Variants in CLUH observed in about 807,000 individuals in gnomAD.
The protein encoded by CLUH is CLUH binding protein of NUMT mRNA, also known as clustered mitochondria protein homolog.
A neutral mutation model predicts 139.3 loss-of-function variants in CLUH; 77 were observed. That is an observed-to-expected ratio of 0.55 (90% CI 0.46 to 0.67). The LOEUF is 0.67. CLUH is among the 30% of genes least tolerant of loss of function. The probability of loss-of-function intolerance (pLI) is 0.00; values close to 1 mark genes in which losing one functional copy is unlikely to be tolerated. For synonymous variants in CLUH, 999 were observed against 801.6 expected, an observed-to-expected ratio of 1.25 and a Z score of -4.16; for missense variants, 1,876 against 1,875.8, an observed-to-expected ratio of 1.00 and a Z score of 0.00.
Position 2,695,354 on chromosome 17 carries a change from C to A in CLUH, c.2544+20G>T. 1.9e-6 allele frequency: 3 copies of A among 1,613,118 alleles called. No homozygotes were observed. The highest frequency in any genetic ancestry group is 2.5e-6 in the Non-Finnish European group (3 of 1,179,702). On this transcript the variant is annotated intron_variant, in intron 14 of 25. Coordinates refer to ENST00000651024, the MANE Select transcript of CLUH (RefSeq NM_001366661.1). ...CCAGTCCCACAGCTCCCGTTCCGCC[C>A]CACCCCGGGCAGCACTCACAAAGAC...
chr17:2,707,249 C>T lies in CLUH; in HGVS notation c.101-2685G>A. ...CGTGGCAGCAAGGCAGCCAGCTCTCCAGCTCAGCCCCAGCATTGCCCGGGT... is the reference window on the plus strand; with the variant it reads ...CGTGGCAGCAAGGCAGCCAGCTCTCTAGCTCAGCCCCAGCATTGCCCGGGT... On this transcript the variant is annotated intron_variant, in intron 1 of 25. Coordinates refer to ENST00000651024, the MANE Select transcript of CLUH (RefSeq NM_001366661.1). This position sits in a 1 kb window ranked among gnomAD's most constrained non-coding sequence, Gnocchi z 7.4. The T allele has an allele frequency of 3.0e-6, 3 of 985,456 alleles. No individual in the cohort carries two copies. Among genetic ancestry groups the T allele is most frequent in the Non-Finnish European group, 3.6e-6 (3 of 829,922 alleles). The allele number at this position is 985,456 out of a possible 1,614,324, so 61.0% of individuals were successfully genotyped here.
chr17:2,699,317 A>AT (rs1051354025), intron 9 of CLUH, among the ~76,000 whole-genome samples: 2 of 152,290 alleles, frequency 1.3e-5, no homozygotes, highest in African/African-American at 4.8e-5. Context: ...TCTAGGCAGT[A>AT]TAACTATGGG....
chr17:2,694,821 A>T, intron 16 of CLUH, 36 bp downstream of exon 16: 9 of 1,446,306 alleles, frequency 6.2e-6, no homozygotes, highest in African/African-American at 1.4e-5. Context: ...CATCTGCCCA[A>T]TCCCACCCAC....
chr17:2,696,005 C>T (rs1359968676), intron 13 of CLUH, 154 bp downstream of exon 13: 3 of 650,336 alleles, frequency 4.6e-6, no homozygotes, highest in Non-Finnish European at 8.0e-6. Flanking sequence ...CTCTGGGGGT[C>T]AGGCTCCCCA....
intron 25 of CLUH, among the ~76,000 whole-genome samples, chr17:2,691,089 C>G (rs1203714117): frequency 6.7e-6 from 1 of 149,630 alleles, no homozygotes; most frequent in Non-Finnish European, 1.5e-5. Flanking sequence ...GGAGGCCACA[C>G]TGCTTGTGGC....
chr17:2,690,692 C>T lies in CLUH; in HGVS notation c.3949G>A (p.Glu1317Lys). The change falls in exon 26 of 26, where the codon GAG (glutamate) becomes AAG (lysine). Residue 1317 changes from glutamate to lysine, a missense_variant. By Grantham distance (56) the Glu-to-Lys change is moderately conservative (BLOSUM62 1). Transcript: ENST00000651024. ...EASRNRDRAE[E>K]PMATEPAPAG... ...GGCGCGGGCTCGGTAGCCATGGGCT[C>T]CTCGGCTCTATCCCTGTTTCTGCTG... 6.4e-7 allele frequency: 1 copy of T among 1,564,928 alleles called. No homozygotes were observed. Among genetic ancestry groups the T allele is most frequent in the Non-Finnish European group, 8.6e-7 (1 of 1,162,174 alleles).
Position 2,701,732 on chromosome 17 carries a change from C to G in CLUH, c.625G>C (p.Gly209Arg). The change falls in exon 5 of 26, where the codon GGG becomes CGG. Residue 209 changes from glycine to arginine, a missense_variant. Physicochemically the swap from Gly to Arg is moderately radical, Grantham distance 125 (BLOSUM62 -2). This residue lies in a region of CLUH where 270 missense variants were observed against 354.7 expected (regional missense o/e 0.76). Transcript: ENST00000651024. ...ATCTCCAAGCCCTTCTTCCGCTTCC[C>G]GCTGTCTGAGGGACCCGAGGCTGGT... ...VFTDGDLGDSGKRKKGLEMDP... is the reference protein window; with the variant it reads ...VFTDGDLGDSRKRKKGLEMDP... The G allele has an allele frequency of 6.4e-7, 1 of 1,564,316 alleles. No homozygotes were observed. Among genetic ancestry groups the G allele is most frequent in the Admixed American group, 1.8e-5 (1 of 55,144 alleles).
At position 2,704,627 on chromosome 17, in the gene CLUH, G is replaced by T; in HGVS notation, c.101-63C>A. 6.9e-7 allele frequency: 1 copy of T among 1,439,894 alleles called. No homozygotes were observed. Among genetic ancestry groups the T allele is most frequent in the South Asian group, 1.3e-5 (1 of 75,648 alleles). 89.2% of individuals were successfully genotyped at this position (1,439,894 alleles called of 1,614,324 possible). On this transcript the variant is annotated intron_variant, in intron 1 of 25. Coordinates refer to ENST00000651024, the MANE Select transcript of CLUH (RefSeq NM_001366661.1). The surrounding 1 kb of genome is among the most constrained non-coding windows in gnomAD (Gnocchi z 5.7). ...CGCTGGTCGGCGGGGCTGTCCGCCT[G>T]ACCCCACACGGGGACACGTGCCTTC... is the stretch of plus-strand genomic sequence containing the variant.
intron 7 of CLUH, 150 bp downstream of exon 7, chr17:2,700,990 G>T (rs572468757): frequency 6.9e-7 from 1 of 1,453,122 alleles, no homozygotes; most frequent in Non-Finnish European, 9.2e-7. Flanking sequence ...CTGCTGTCTC[G>T]GCACTGGCCG....
intron 9 of CLUH, among the ~76,000 whole-genome samples, chr17:2,699,164 C>A (rs1411499630): frequency 6.8e-6 from 1 of 147,824 alleles, no homozygotes; most frequent in Non-Finnish European, 1.5e-5. Context: ...CAGTTATGTG[C>A]CAGGTGAACT....
At chr17:2,692,124 G>A (rs2069712096) in intron 22 of CLUH, 27 bp from the exon 23 acceptor site, 6 of 1,574,786 alleles carry the variant, frequency 3.8e-6, no homozygotes, top group East Asian at 4.6e-5. Flanking sequence ...CGCGGGGCGA[G>A]GGAAGGGCAT....
intron 1 of CLUH, among the ~76,000 whole-genome samples, chr17:2,709,662 C>A (rs764989103): frequency 1.6e-4 from 24 of 152,124 alleles, no homozygotes; most frequent in Non-Finnish European, 3.2e-4. Flanking sequence ...CCAACCCTTG[C>A]CCCCGACCCT....
In CLUH at chr17:2,707,280, G is replaced by T. The variant is rs1481487240; in HGVS notation, c.101-2716C>A. On this transcript the variant is annotated intron_variant, in intron 1 of 25. Transcript: ENST00000651024. The surrounding 1 kb of genome is among the most constrained non-coding windows in gnomAD (Gnocchi z 7.4). ...AGCCCCAGCATTGCCCGGGTTCCTT[G>T]TTCCAGCCTCTGCCGCTACCCTTGC... 7 of 985,432 alleles carry T rather than the reference G, an allele frequency of 7.1e-6. No homozygotes were observed. The highest frequency in any genetic ancestry group is 8.4e-6 in the Non-Finnish European group (7 of 829,922). 61.0% of individuals were successfully genotyped at this position (985,432 alleles called of 1,614,324 possible).
intron 1 of CLUH, chr17:2,711,047 C>T (rs1159414335): frequency 6.6e-6 from 1 of 152,488 alleles, no homozygotes; most frequent in African/African-American, 2.4e-5. Context: ...AACGCACACC[C>T]CGCACCTCGT....
intron 25 of CLUH, 192 bp downstream of exon 25, chr17:2,691,417 C>T: frequency 1.7e-6 from 1 of 585,038 alleles, no homozygotes; most frequent in South Asian, 1.9e-5. Flanking sequence ...CAAAAATGAG[C>T]CGGGCGAGGT....
At chr17:2,701,850 C>T (rs1394795624) in intron 4 of CLUH, 64 bp downstream of exon 4, 2 of 1,602,788 alleles carry the variant, frequency 1.2e-6, no homozygotes, top group Non-Finnish European at 1.7e-6. Flanking sequence ...GGCCCCTTCT[C>T]CAGCCCCCCA....
intron 1 of CLUH, among the ~76,000 whole-genome samples, chr17:2,708,872 AG>A (rs1205551769): frequency 2.9e-4 from 9 of 31,118 alleles, no homozygotes; most frequent in African/African-American, 1.0e-3. Flanking sequence ...GGGGGGGGGG[AG>A]CAGAACTATC....
At position 2,701,234 on chromosome 17, in the gene CLUH, C is replaced by T. The variant is rs200340260; in HGVS notation, c.931G>A (p.Ala311Thr). Residue 311 changes from alanine to threonine, a missense_variant, in exon 7 of 26, where the codon GCC becomes ACC. Around this residue, in one of 3 missense-constraint regions of CLUH, gnomAD observed 270 missense variants for 354.7 expected, o/e 0.76. Transcript: ENST00000651024. ...GAATGGCTTAGGAAGCGGGGGCTGG[C>T]GGGCTTGGGGTTGAAGTGATAAGCT... ...STAYHFNPKP[A>T]SPRFLSHSLV... is the part of the protein sequence containing the mutation. The T allele has an allele frequency of 3.9e-5, 63 of 1,613,298 alleles. No homozygotes were observed. Among genetic ancestry groups the T allele is most frequent in the Admixed American group, 1.2e-4 (7 of 59,904 alleles).
rs1040267647 is a variant in CLUH at position 2,689,614 on chromosome 17, G to C, written c.*980C>G. The C allele has an allele frequency of 2.0e-5, 3 of 153,284 alleles. No homozygotes were observed. Among genetic ancestry groups the C allele is most frequent in the African/African-American group, 7.2e-5 (3 of 41,474 alleles). 9.5% of individuals were successfully genotyped at this position (153,284 alleles called of 1,614,324 possible). ...AGGGTGGCCACATCCTCCCCCACCA[G>C]GGCTCTGACAGCAGGCACAGAGCAG... On this transcript the variant is annotated 3_prime_UTR_variant, in exon 26 of 26. Transcript: ENST00000651024.
Sources: allele counts gnomAD v4.1 joint callset (sites outside exome capture counted in the v4.1 genomes callset), GRCh38; gene constraint gnomAD v4.1.1; regional missense constraint gnomAD v4.1.1; non-coding constraint Gnocchi (gnomAD v3.1); transcripts MANE v1.5; gene names NCBI Gene and HGNC (gene_info 2026-07-23, HGNC 2026-07-21).